Variants in FHIT observed in about 807,000 individuals in gnomAD.
FHIT encodes fragile histidine triad diadenosine triphosphatase, also known as bis(5'-adenosyl)-triphosphatase.
A neutral mutation model predicts 17.9 loss-of-function variants in FHIT; 19 were observed. The observed-to-expected ratio is 1.06, with a 90% confidence interval of 0.74 to 1.56. The LOEUF (loss-of-function observed/expected upper bound fraction) is 1.56, where lower values mean the gene tolerates loss of function less well. Among genes scored for constraint, FHIT ranks in the 40% most tolerant of loss-of-function variants. The probability of loss-of-function intolerance (pLI) is 0.00; values close to 1 mark genes in which losing one functional copy is unlikely to be tolerated. For synonymous variants in FHIT, 81 were observed against 69.7 expected (o/e 1.16, Z -0.81); for missense variants, 248 against 189.2 (o/e 1.31, Z -1.82).
intron 5 of FHIT, among the ~76,000 whole-genome samples, chr3:60,040,780 A>T (rs1456624068): frequency 6.6e-6 from 1 of 152,158 alleles, no homozygotes; most frequent in Non-Finnish European, 1.5e-5. Context: ...CAGGGCACCA[A>T]CATGTAGGGG....
intron 8 of FHIT, among the ~76,000 whole-genome samples, chr3:59,809,297 T>C (rs530726700): frequency 4.6e-5 from 7 of 152,310 alleles, no homozygotes; most frequent in East Asian, 1.9e-4. Context: ...CAGAAGGCCA[T>C]GTGAAGACAA....
chr3:60,056,716 A>G (rs1312998533), intron 5 of FHIT, among the ~76,000 whole-genome samples: 1 of 152,238 alleles, frequency 6.6e-6, no homozygotes, highest in Non-Finnish European at 1.5e-5. Context: ...CTGGCTTGGC[A>G]GGAAAACAGA....
intron 5 of FHIT, among the ~76,000 whole-genome samples, chr3:60,036,234 CAAATCTG>C (rs1701211212): frequency 6.6e-6 from 1 of 152,168 alleles, no homozygotes; most frequent in Non-Finnish European, 1.5e-5. Flanking sequence ...CCATGTGTCC[CAAATCTG>C]ATAATTTTTC....
chr3:60,695,069 A>G (rs2041084429), intron 4 of FHIT, among the ~76,000 whole-genome samples: 1 of 152,240 alleles, frequency 6.6e-6, no homozygotes, highest in African/African-American at 2.4e-5. Context: ...AATAATAATA[A>G]AAAAAAGAAA....
At chr3:59,771,578 G>A (rs1702076624) in intron 8 of FHIT, among the ~76,000 whole-genome samples, 1 of 152,132 alleles carries the variant, frequency 6.6e-6, no homozygotes, top group South Asian at 2.1e-4. Context: ...AAAGTTCTAA[G>A]CAATTAAATA....
At chr3:60,625,896 T>A (rs1437246073) in intron 4 of FHIT, among the ~76,000 whole-genome samples, 2 of 152,240 alleles carry the variant, frequency 1.3e-5, no homozygotes, top group African/African-American at 4.8e-5. Context: ...AGGCCAAGAT[T>A]CATTTTGAGA....
chr3:59,967,451 A>G (rs898804572), intron 7 of FHIT, among the ~76,000 whole-genome samples: 2 of 152,192 alleles, frequency 1.3e-5, no homozygotes, highest in Admixed American at 1.3e-4. Flanking sequence ...ATGGACTACA[A>G]CGTAAAGACA....
chr3:60,927,735 G>A (rs1707716871), intron 3 of FHIT, among the ~76,000 whole-genome samples: 1 of 147,870 alleles, frequency 6.8e-6, no homozygotes, highest in South Asian at 2.2e-4. Flanking sequence ...AGGTGGGCGT[G>A]CCCCCACCCG....
chr3:60,409,271 G>A (rs1057504729), intron 5 of FHIT, among the ~76,000 whole-genome samples: 1 of 152,144 alleles, frequency 6.6e-6, no homozygotes, highest in Admixed American at 6.5e-5. Flanking sequence ...GTTAACCCAA[G>A]CACTACTGAA....
chr3:60,470,154 C>G (rs764514914), intron 5 of FHIT, among the ~76,000 whole-genome samples: 25 of 151,766 alleles, frequency 1.6e-4, no homozygotes, highest in Admixed American at 6.6e-4. Context: ...TATATTGGGT[C>G]AGAAATGAAG....
At chr3:60,211,398 T>G (rs530185178) in intron 5 of FHIT, among the ~76,000 whole-genome samples, 128 of 152,138 alleles carry the variant, frequency 8.4e-4, no homozygotes, top group Admixed American at 2.2e-3. Context: ...TTATACTACT[T>G]TGAACATACT....
At chr3:60,841,788 C>G (rs112968691) in intron 3 of FHIT, among the ~76,000 whole-genome samples, 1 of 151,998 alleles carries the variant, frequency 6.6e-6, no homozygotes, top group Non-Finnish European at 1.5e-5. Context: ...GGTGAGGAAT[C>G]ATAAAGTTCC....
chr3:61,211,734 C>A (rs554309001), intron 1 of FHIT, among the ~76,000 whole-genome samples: 5 of 152,068 alleles, frequency 3.3e-5, no homozygotes, highest in Non-Finnish European at 5.9e-5. Flanking sequence ...GACCCCCGAG[C>A]AGCCTAACTG....
At chr3:60,861,520 G>C (rs564050908) in intron 3 of FHIT, among the ~76,000 whole-genome samples, 120 of 151,598 alleles carry the variant, frequency 7.9e-4, no homozygotes, top group African/African-American at 2.8e-3. Context: ...ATTGCCAAAT[G>C]TCACCTGCAA....
chr3:60,851,475 A>G (rs782820165), intron 3 of FHIT, among the ~76,000 whole-genome samples: 2 of 152,084 alleles, frequency 1.3e-5, no homozygotes, highest in Non-Finnish European at 2.9e-5. Context: ...CCCATCTCAC[A>G]TTTTCTAAGA....
intron 5 of FHIT, among the ~76,000 whole-genome samples, chr3:60,100,192 C>G (rs190360817): frequency 7.9e-5 from 12 of 152,086 alleles, no homozygotes; most frequent in Non-Finnish European, 1.6e-4. Context: ...CAGCCTGACC[C>G]CCGTCAATAT....
chr3:59,864,076 T>C (rs9311729), intron 8 of FHIT, among the ~76,000 whole-genome samples: 6 of 152,272 alleles, frequency 3.9e-5, no homozygotes, highest in Middle Eastern at 3.4e-3. Context: ...ACCAGCAAGA[T>C]CGCAGATGGC....
chr3:60,321,169 A>T (rs750087739), intron 5 of FHIT, among the ~76,000 whole-genome samples: 4 of 152,308 alleles, frequency 2.6e-5, no homozygotes, highest in Non-Finnish European at 5.9e-5. Flanking sequence ...AAGAATGGAC[A>T]GGCAGTATCT....
intron 8 of FHIT, among the ~76,000 whole-genome samples, chr3:59,830,565 C>A (rs903007051): frequency 1.3e-5 from 2 of 152,206 alleles, no homozygotes; most frequent in African/African-American, 4.8e-5. Context: ...TTGCAGTGTG[C>A]AGTTTTCCCC....
Sources: gnomAD v4.1 joint callset for allele counts (sites outside exome capture counted in the v4.1 genomes callset) on GRCh38, gnomAD v4.1.1 for gene constraint, MANE v1.5 for transcripts, NCBI Gene and HGNC (gene_info 2026-07-23, HGNC 2026-07-21) for gene names.